PGAM2: variants seen among roughly 807,000 people sequenced by gnomAD.
The protein encoded by PGAM2 is phosphoglycerate mutase 2.
PGAM2 carries 23 observed loss-of-function variants against 22.5 expected under a neutral mutation model. The observed-to-expected ratio is 1.02, with a 90% CI of 0.74 to 1.45. PGAM2 has a LOEUF of 1.45. PGAM2 is among the 40% of genes most tolerant of loss of function. PGAM2 has a pLI of 0.00. For synonymous variants in PGAM2, 133 were observed against 138.6 expected (o/e 0.96, Z 0.29); for missense variants, 349 against 356.2 (o/e 0.98, Z 0.16).
At chr7:44,064,793 GCCCA>G in intron 2 of PGAM2, 35 bp downstream of exon 2, 2 of 1,136,974 alleles carry the variant, frequency 1.8e-6, no homozygotes, top group Non-Finnish European at 2.6e-6. Context: ...TGGGGCTGCT[GCCCA>G]CCCACCCTGC....
intron 2 of PGAM2, chr7:44,063,260 T>A: frequency 2.6e-6 from 1 of 387,606 alleles, no homozygotes; most frequent in Non-Finnish European, 4.8e-6. Flanking sequence ...ACACTCACCC[T>A]TTGTTTTTTT....
Position 44,064,976 on chromosome 7 carries a change from G to T in PGAM2, c.451C>A (p.Pro151Thr). Residue 151 changes from proline to threonine, a missense_variant, in exon 2 of 3, where the codon CCC (proline) becomes ACC (threonine). Physicochemically the swap from Pro to Thr is conservative, Grantham distance 38. Coordinates refer to ENST00000297283, the MANE Select transcript of PGAM2 (RefSeq NM_000290.4). ...RYAGLKPGELPTCESLKDTIA... is the reference protein window; with the variant it reads ...RYAGLKPGELTTCESLKDTIA... Reference sequence around the variant, plus strand: ...GTGTCCTTGAGGCTCTCGCAGGTGGGGAGTTCCCCGGGCTTCAGGCCTGCG... The same window carrying T: ...GTGTCCTTGAGGCTCTCGCAGGTGGTGAGTTCCCCGGGCTTCAGGCCTGCG... 1 of 1,607,066 alleles carries T rather than the reference G, an allele frequency of 6.2e-7. No individual in the cohort carries two copies. The highest frequency in any genetic ancestry group is 1.1e-5 in the South Asian group (1 of 90,858).
In PGAM2 at chr7:44,062,910, T is replaced by TG; in HGVS notation, c.615dup (p.Met206HisfsTer14). The stretch of plus-strand genomic sequence containing the variant: ...ATCCCCGTGGGCAGGTTCAGCTCCA[T>TG]GATCGCCTGGTCTGACATCCCTATG... On this transcript the variant is annotated frameshift_variant, in exon 3 of 3. Transcript: ENST00000297283. LOFTEE classifies it high-confidence loss of function. 6.2e-7 allele frequency: 1 copy of TG among 1,614,200 alleles called. No homozygotes were observed. Among genetic ancestry groups the TG allele is most frequent in the African/African-American group, 1.3e-5 (1 of 75,056 alleles).
intron 1 of PGAM2, 47 bp downstream of exon 1, chr7:44,065,069 C>G (rs2096156893): frequency 1.2e-6 from 2 of 1,611,436 alleles, no homozygotes; most frequent in Non-Finnish European, 1.7e-6. Context: ...CCACCCGACT[C>G]CCCACTCTGC....
At chr7:44,063,091 G>A (rs1233729606) in intron 2 of PGAM2, 161 bp from the exon 3 acceptor site, 3 of 762,870 alleles carry the variant, frequency 3.9e-6, no homozygotes, top group South Asian at 1.5e-5. Flanking sequence ...AGGTCAAGGA[G>A]TAACTGAGTT....
intron 2 of PGAM2, 153 bp from the exon 3 acceptor site, chr7:44,063,083 G>T: frequency 1.2e-6 from 1 of 808,734 alleles, no homozygotes; most frequent in Non-Finnish European, 2.1e-6. Flanking sequence ...GTTGCCAAAG[G>T]TCAAGGAGTA....
At chr7:44,064,793 G>GGGCCCCCCCCCCCCCC in intron 2 of PGAM2, 39 bp downstream of exon 2, 4 of 1,136,956 alleles carry the variant, frequency 3.5e-6, no homozygotes, top group East Asian at 2.5e-5. Context: ...TGGGGCTGCT[G>GGGCCCCCCCCCCCCCC]CCCACCCACC....
At chr7:44,063,942 G>C (rs930344158) in intron 2 of PGAM2, 9 of 152,058 alleles carry the variant, frequency 5.9e-5, no homozygotes, top group African/African-American at 2.2e-4. Flanking sequence ...CCCAGTGCCA[G>C]GTGCCAGGTG....
In PGAM2 at chr7:44,064,910, G is replaced by A; in HGVS notation, c.517C>T (p.Pro173Ser). The change falls in exon 2 of 3, where the codon CCC (proline) becomes TCC (serine). Residue 173 changes from proline to serine, a missense_variant. By Grantham distance (74) the Pro-to-Ser change is moderately conservative. Coordinates refer to ENST00000297283, the MANE Select transcript of PGAM2 (RefSeq NM_000290.4). The stretch of plus-strand genomic sequence containing the variant: ...ACTCGCTTGCCGGCCTTGATCTGGG[G>A]AACAATCTCCTCGTTCCAGAAGGGC... ...ALPFWNEEIVPQIKAGKRVLI... is the reference protein window; with the variant it reads ...ALPFWNEEIVSQIKAGKRVLI... The A allele has an allele frequency of 1.2e-6, 2 of 1,611,420 alleles. No individual in the cohort carries two copies. The highest frequency in any genetic ancestry group is 1.7e-6 in the Non-Finnish European group (2 of 1,179,720).
chr7:44,065,068 T>TC (rs2096156898), intron 1 of PGAM2, 48 bp downstream of exon 1: 1 of 1,611,338 alleles, frequency 6.2e-7, no homozygotes, highest in Admixed American at 1.7e-5. Flanking sequence ...CCCACCCGAC[T>TC]CCCCACTCTG....
At position 44,064,907 on chromosome 7, in the gene PGAM2, G is replaced by GGGGAACAATCTCCTCGTTCCAGAAGGGCA. The variant is rs758337311; in HGVS notation, c.491_519dup (p.Gln174CysfsTer45). On this transcript the variant is annotated frameshift_variant, in exon 2 of 3. Coordinates refer to ENST00000297283, the MANE Select transcript of PGAM2 (RefSeq NM_000290.4). LOFTEE classifies it high-confidence loss of function. ...AGCACTCGCTTGCCGGCCTTGATCT[G>GGGGAACAATCTCCTCGTTCCAGAAGGGCA]GGGAACAATCTCCTCGTTCCAGAAG... The GGGGAACAATCTCCTCGTTCCAGAAGGGCA allele has an allele frequency of 6.2e-7, 1 of 1,611,252 alleles. No individual in the cohort carries two copies. Among genetic ancestry groups the GGGGAACAATCTCCTCGTTCCAGAAGGGCA allele is most frequent in the Admixed American group, 1.7e-5 (1 of 59,876 alleles).
intron 2 of PGAM2, chr7:44,063,366 C>T (rs1003693539): frequency 3.2e-5 from 8 of 246,244 alleles, no homozygotes; most frequent in Non-Finnish European, 5.7e-5. Flanking sequence ...CTCACTGCAA[C>T]CTCCATCTCC....
Position 44,063,443 on chromosome 7 carries a change from G to A in PGAM2, c.596-513C>T, listed in dbSNP as rs560249611. ...ATTACAGGTGAGCGCCACCACACCCGGCTAATTTTGTATTTTTAGTAGAAA... is the reference window on the plus strand; with the variant it reads ...ATTACAGGTGAGCGCCACCACACCCAGCTAATTTTGTATTTTTAGTAGAAA... On this transcript the variant is annotated intron_variant, in intron 2 of 2. Transcript: ENST00000297283. 29 of 185,114 alleles carry A rather than the reference G, an allele frequency of 1.6e-4. No individual in the cohort carries two copies. The South Asian group carries it at 2.1e-3, about 13-fold the overall frequency. The allele number at this position is 185,114 out of a possible 1,614,324, so 11.5% of individuals were successfully genotyped here. A position where few individuals can be genotyped will look rare whatever the true frequency, so the allele number is the denominator to read the frequency against.
In PGAM2 at chr7:44,062,808, G is replaced by A. The variant is rs375024229; in HGVS notation, c.718C>T (p.Arg240Trp). The A allele has an allele frequency of 6.2e-6, 10 of 1,614,016 alleles. No homozygotes were observed. Among genetic ancestry groups the A allele is most frequent in the Admixed American group, 1.7e-5 (1 of 60,002 alleles). ...GCAGCCACAGCCTCCATGGCCTTCC[G>A]CACCGTTTCCTCATCACCCAGGAAC... Reference protein sequence around the residue: ...MQFLGDEETVRKAMEAVAAQG... With the variant: ...MQFLGDEETVWKAMEAVAAQG... The change falls in exon 3 of 3, where the codon CGG becomes TGG. Residue 240 changes from arginine (R) to tryptophan (W), a missense_variant. Physicochemically the swap from Arg to Trp is moderately radical, Grantham distance 101 (BLOSUM62 -3). Coordinates refer to ENST00000297283, the MANE Select transcript of PGAM2 (RefSeq NM_000290.4).
chr7:44,064,546 C>T, intron 2 of PGAM2: 1 of 486,384 alleles, frequency 2.1e-6, no homozygotes, highest in Non-Finnish European at 3.8e-6. Context: ...CCTTCCGTTT[C>T]CTAGCTGGGT....
At chr7:44,064,504 TG>T in intron 2 of PGAM2, 3 of 391,756 alleles carry the variant, frequency 7.7e-6, no homozygotes, top group Non-Finnish European at 9.6e-6. Flanking sequence ...CACAGTAAGT[TG>T]GGATTTGGAG....
intron 2 of PGAM2, 70 bp downstream of exon 2, chr7:44,064,762 T>G: frequency 7.3e-7 from 1 of 1,369,124 alleles, no homozygotes. Context: ...GCGAGAGACT[T>G]TGCTGAGATG....
Position 44,065,194 on chromosome 7 carries a change from C to T in PGAM2, c.336G>A (p.Val112=). Reference sequence around the variant, plus strand: ...TGTCGAAGGAGCGCCTCCAGATCTTCACCTGCTCCTCCCCGTGCTTGGCGG... The same window carrying T: ...TGTCGAAGGAGCGCCTCCAGATCTTTACCTGCTCCTCCCCGTGCTTGGCGG... The part of the protein sequence containing the change: ...ETAAKHGEEQ[V]KIWRRSFDIP... The change falls in exon 1 of 3, where the codon GTG becomes GTA. Residue 112 remains valine (V), a synonymous_variant. Coordinates refer to ENST00000297283, the MANE Select transcript of PGAM2 (RefSeq NM_000290.4). 6.2e-7 allele frequency: 1 copy of T among 1,614,134 alleles called. No homozygotes were observed. Among genetic ancestry groups the T allele is most frequent in the Non-Finnish European group, 8.5e-7 (1 of 1,180,038 alleles).
intron 2 of PGAM2, chr7:44,063,348 GA>G (rs1485640788): frequency 1.1e-5 from 3 of 271,834 alleles, no homozygotes; most frequent in Non-Finnish European, 2.2e-5. Flanking sequence ...GCAGTGGCAC[GA>G]TCTTGGCTCA....
Sources: gnomAD v4.1 joint callset for allele counts on GRCh38, gnomAD v4.1.1 for gene constraint, MANE v1.5 for transcripts, NCBI Gene and HGNC (gene_info 2026-07-23, HGNC 2026-07-21) for gene names.